Variants in ARSJ observed in about 807,000 individuals in gnomAD.
ARSJ encodes arylsulfatase J.
ARSJ carries 26 observed loss-of-function variants against 35.9 expected under a neutral mutation model. The ratio of observed to expected loss-of-function variants is 0.72; its 90% CI spans 0.53 to 1.00. ARSJ has a LOEUF of 1.00. ARSJ is among the 50% of genes least tolerant of loss of function. The pLI is 0.00. For synonymous variants in ARSJ, 294 were observed against 267.6 expected, an observed-to-expected ratio of 1.10 and a Z score of -0.96; for missense variants, 667 against 723.6, an observed-to-expected ratio of 0.92 and a Z score of 0.90.
intron 1 of ARSJ, among the ~76,000 whole-genome samples, chr4:113,975,286 G>A (rs1727523298): frequency 6.6e-6 from 1 of 152,066 alleles, no homozygotes; most frequent in Admixed American, 6.6e-5. Flanking sequence ...TGGGATAAAT[G>A]AGTAACAAAA....
At chr4:113,956,456 T>C (rs899282176) in intron 1 of ARSJ, among the ~76,000 whole-genome samples, 10 of 152,068 alleles carry the variant, frequency 6.6e-5, no homozygotes, top group Non-Finnish European at 1.3e-4. Context: ...AAATCTTTAC[T>C]GGCCATTTAC....
At chr4:113,946,854 T>C (rs1453411150) in intron 1 of ARSJ, among the ~76,000 whole-genome samples, 1 of 152,144 alleles carries the variant, frequency 6.6e-6, no homozygotes, top group East Asian at 1.9e-4. Context: ...TGATTTCTAA[T>C]TCCTTATTTT....
At chr4:113,908,729 C>G (rs1317503413) in intron 1 of ARSJ, among the ~76,000 whole-genome samples, 2 of 152,080 alleles carry the variant, frequency 1.3e-5, no homozygotes, top group African/African-American at 4.8e-5. Flanking sequence ...CTCATGCATA[C>G]TGTATTAATT....
In ARSJ at chr4:113,901,613, TCAAA is replaced by T. The variant is rs2099667085; in HGVS notation, c.*657_*660del. 2 of 152,634 alleles carry T rather than the reference TCAAA, an allele frequency of 1.3e-5. No homozygotes were observed. Among genetic ancestry groups the T allele is most frequent in the South Asian group, 2.1e-4 (1 of 4,832 alleles). 9.5% of individuals were successfully genotyped at this position (152,634 alleles called of 1,614,324 possible). On this transcript the variant is annotated 3_prime_UTR_variant, in exon 2 of 2. Transcript: ENST00000315366. ...GTTACATTCATTGTGGGCAGTGTGC[TCAAA>T]CATTCTTATTTGCCATTCCCTCACG...
intron 1 of ARSJ, among the ~76,000 whole-genome samples, chr4:113,950,584 G>C (rs917352863): frequency 6.6e-6 from 1 of 152,188 alleles, no homozygotes; most frequent in South Asian, 2.1e-4. Context: ...GAGGGAAAGG[G>C]AAGAAAGAGA....
rs78154331 is a variant in ARSJ at position 113,971,867 on chromosome 4, A to G, written c.398+6570T>C. Among the ~76,000 whole-genome samples the G allele has an allele frequency of 0.013, 2,045 of 152,300 alleles. 116 individuals are homozygous for G. The East Asian group carries it at 0.16, about 12-fold the overall frequency. Reference sequence around the variant, plus strand: ...GATGGAAGAGGAAGCATGCATGACCATGATGTTTACAATAAGCTGATGGGA... The same window carrying G: ...GATGGAAGAGGAAGCATGCATGACCGTGATGTTTACAATAAGCTGATGGGA... On this transcript the variant is annotated intron_variant, in intron 1 of 1. Transcript: ENST00000315366.
At chr4:113,958,088 C>A (rs1454513541) in intron 1 of ARSJ, among the ~76,000 whole-genome samples, 1 of 151,936 alleles carries the variant, frequency 6.6e-6, no homozygotes, top group African/African-American at 2.4e-5. Context: ...TAAATGGAGC[C>A]CAAGTTTGCT....
intron 1 of ARSJ, among the ~76,000 whole-genome samples, chr4:113,938,071 T>A (rs915898582): frequency 6.6e-6 from 1 of 151,850 alleles, no homozygotes. Context: ...AAAGAGCTGG[T>A]ATACCCAGAA....
At chr4:113,936,342 C>T (rs1167934677) in intron 1 of ARSJ, among the ~76,000 whole-genome samples, 1 of 151,670 alleles carries the variant, frequency 6.6e-6, no homozygotes, top group Non-Finnish European at 1.5e-5. Context: ...GAGCAGGATA[C>T]TATATGGGAT....
chr4:113,902,803 G>A lies in ARSJ; in HGVS notation c.1271C>T (p.Pro424Leu), dbSNP rs1186570349. 1 of 1,614,100 alleles carries A rather than the reference G, an allele frequency of 6.2e-7. No homozygotes were observed. Residue 424 changes from proline to leucine, a missense_variant, in exon 2 of 2, where the codon CCC becomes CTC. Coordinates refer to ENST00000315366, the MANE Select transcript of ARSJ (RefSeq NM_024590.4). Reference protein sequence around the residue: ...PRVDILHNIDPIYTKAKNGSW... With the variant: ...PRVDILHNIDLIYTKAKNGSW... ...GCCATTTTTTGCCTTGGTGTATATGGGGTCAATGTTATGCAAAATATCTAC... is the reference window on the plus strand; with the variant it reads ...GCCATTTTTTGCCTTGGTGTATATGAGGTCAATGTTATGCAAAATATCTAC...
chr4:113,915,217 T>C (rs1045134277), intron 1 of ARSJ, among the ~76,000 whole-genome samples: 4 of 152,200 alleles, frequency 2.6e-5, no homozygotes, highest in African/African-American at 9.6e-5. Context: ...CTTTTATTAG[T>C]GTCTTTTCTA....
rs1478980032 is a variant in ARSJ at position 113,939,072 on chromosome 4, C to G, written c.399-35397G>C. 5.0e-5 allele frequency among the ~76,000 whole-genome samples: 7 copies of G among 140,172 alleles called. No homozygotes were observed. In the Admixed American group the frequency reaches 5.1e-4, roughly 10 times the overall value. The allele number at this position is 140,172 out of a possible 152,430, so 92.0% of individuals were successfully genotyped here. ...TGCTGTCCCTCCCCCCTCCCCCACC[C>G]CACAACAGAGCCCAGAGTGTGATGT... On this transcript the variant is annotated intron_variant, in intron 1 of 1. Transcript: ENST00000315366.
intron 1 of ARSJ, among the ~76,000 whole-genome samples, chr4:113,969,318 C>T (rs889531757): frequency 4.0e-5 from 6 of 151,816 alleles, no homozygotes; most frequent in Non-Finnish European, 7.4e-5. Flanking sequence ...GAACACCATG[C>T]CAGATAAAAT....
intron 1 of ARSJ, among the ~76,000 whole-genome samples, chr4:113,944,904 G>A (rs1000442203): frequency 2.6e-5 from 4 of 151,574 alleles, no homozygotes; most frequent in Admixed American, 6.6e-5. Flanking sequence ...ATATATATCC[G>A]TATCTGTATA....
At chr4:113,906,405 G>T (rs1176295785) in intron 1 of ARSJ, among the ~76,000 whole-genome samples, 2 of 152,194 alleles carry the variant, frequency 1.3e-5, no homozygotes, top group East Asian at 3.8e-4. Flanking sequence ...TTCAGAAAAT[G>T]GTGTAGCGTC....
At chr4:113,949,517 C>T (rs72664882) in intron 1 of ARSJ, among the ~76,000 whole-genome samples, 14,999 of 151,996 alleles carry the variant, frequency 0.099, 804 homozygotes, top group South Asian at 0.15. Context: ...GACGCTGGAC[C>T]TTGCCATTTC....
chr4:113,934,746 A>T (rs1031168296), intron 1 of ARSJ, among the ~76,000 whole-genome samples: 1 of 151,828 alleles, frequency 6.6e-6, no homozygotes, highest in Non-Finnish European at 1.5e-5. Context: ...TTAGATGTAC[A>T]TATTTTCAGG....
At chr4:113,961,171 T>C (rs1360960599) in intron 1 of ARSJ, among the ~76,000 whole-genome samples, 3 of 152,138 alleles carry the variant, frequency 2.0e-5, no homozygotes, top group East Asian at 3.9e-4. Context: ...GGAGGAGGCA[T>C]CCAGCACGTT....
chr4:113,947,425 A>G (rs897911229), intron 1 of ARSJ, among the ~76,000 whole-genome samples: 3 of 151,838 alleles, frequency 2.0e-5, no homozygotes, highest in Non-Finnish European at 2.9e-5. Context: ...GGTTGCAGTG[A>G]GCCGAGATTC....
Sources: allele counts gnomAD v4.1 joint callset (sites outside exome capture counted in the v4.1 genomes callset), GRCh38; gene constraint gnomAD v4.1.1; transcripts MANE v1.5; gene names NCBI Gene and HGNC (gene_info 2026-07-23, HGNC 2026-07-21).